ASIC2: variants seen among roughly 807,000 people sequenced by gnomAD.
ASIC2 encodes acid-sensing ion channel 2.
ASIC2 carries 25 observed loss-of-function variants against 57.3 expected under a neutral mutation model. The ratio of observed to expected loss-of-function variants is 0.44; its 90% CI spans 0.32 to 0.61. The LOEUF is 0.61. ASIC2 is among the 20% of genes least tolerant of loss of function. ASIC2 has a pLI of 0.06. For synonymous variants in ASIC2, 319 were observed against 307.5 expected, an observed-to-expected ratio of 1.04 and a Z score of -0.39; for missense variants, 641 against 738.1, an observed-to-expected ratio of 0.87 and a Z score of 1.52.
At chr17:34,027,746 G>T (rs1272525812) in intron 1 of ASIC2, among the ~76,000 whole-genome samples, 2 of 152,164 alleles carry the variant, frequency 1.3e-5, no homozygotes, top group African/African-American at 4.8e-5. Context: ...TGATGTGTCT[G>T]TGTCTTTATC....
chr17:34,007,560 G>T (rs903098665), intron 1 of ASIC2, among the ~76,000 whole-genome samples: 5 of 152,154 alleles, frequency 3.3e-5, no homozygotes, highest in African/African-American at 1.2e-4. Context: ...CTTAACAGAG[G>T]AGGTACCCAA....
chr17:33,535,873 G>A (rs1028095956), intron 1 of ASIC2, among the ~76,000 whole-genome samples: 1 of 152,176 alleles, frequency 6.6e-6, no homozygotes, highest in East Asian at 1.9e-4. Flanking sequence ...CCCACACACT[G>A]CTAATTGCAC....
intron 1 of ASIC2, among the ~76,000 whole-genome samples, chr17:33,834,975 C>A (rs17192775): frequency 6.6e-6 from 1 of 152,162 alleles, no homozygotes; most frequent in African/African-American, 2.4e-5. Context: ...CTGTGTTTGG[C>A]GTGCTCATTC....
At chr17:33,211,430 C>T (rs777186392) in intron 1 of ASIC2, among the ~76,000 whole-genome samples, 5 of 151,606 alleles carry the variant, frequency 3.3e-5, no homozygotes, top group Non-Finnish European at 7.4e-5. Context: ...AACCAGCGCA[C>T]GCTAGGTATT....
intron 1 of ASIC2, among the ~76,000 whole-genome samples, chr17:33,498,256 A>G (rs1221361262): frequency 6.6e-6 from 1 of 152,238 alleles, no homozygotes; most frequent in Non-Finnish European, 1.5e-5. Flanking sequence ...ACTGTTGAGC[A>G]ATAATCCAAA....
intron 1 of ASIC2, among the ~76,000 whole-genome samples, chr17:33,174,618 C>T (rs1169035346): frequency 6.6e-6 from 1 of 152,122 alleles, no homozygotes; most frequent in African/African-American, 2.4e-5. Flanking sequence ...GCTCCTCCTC[C>T]CAGGCATACA....
chr17:33,431,698 A>G (rs1189369735), intron 1 of ASIC2, among the ~76,000 whole-genome samples: 1 of 152,228 alleles, frequency 6.6e-6, no homozygotes, highest in Non-Finnish European at 1.5e-5. Context: ...CTGTGAAGTT[A>G]GAAAAGCTAA....
intron 1 of ASIC2, among the ~76,000 whole-genome samples, chr17:33,746,454 GTGTGTATA>G (rs1347694772): frequency 1.4e-5 from 2 of 145,590 alleles, no homozygotes; most frequent in Admixed American, 6.9e-5. Flanking sequence ...GTGTATATAT[GTGTGTATA>G]TGTGTATATG....
intron 1 of ASIC2, among the ~76,000 whole-genome samples, chr17:33,500,656 G>A (rs77667690): frequency 0.058 from 8,891 of 152,310 alleles, 337 homozygotes; most frequent in Non-Finnish European, 0.083. Context: ...TGTGTATGTT[G>A]AGGATTTCCA....
intron 1 of ASIC2, among the ~76,000 whole-genome samples, chr17:34,015,772 A>G (rs1297511399): frequency 6.6e-6 from 1 of 152,242 alleles, no homozygotes; most frequent in African/African-American, 2.4e-5. Flanking sequence ...GGTCCTTGTG[A>G]AATAGTAAGA....
At chr17:33,855,784 G>A (rs1913911813) in intron 1 of ASIC2, among the ~76,000 whole-genome samples, 1 of 152,136 alleles carries the variant, frequency 6.6e-6, no homozygotes, top group Admixed American at 6.5e-5. Flanking sequence ...AGATTGGGAT[G>A]ATCCCCACAT....
At chr17:33,112,329 A>C (rs1475657779) in intron 1 of ASIC2, among the ~76,000 whole-genome samples, 2 of 151,936 alleles carry the variant, frequency 1.3e-5, no homozygotes, top group Non-Finnish European at 1.5e-5. Context: ...TCTGAGCACT[A>C]CCTCTGGGAG....
chr17:33,579,151 T>C (rs574605160), intron 1 of ASIC2, among the ~76,000 whole-genome samples: 2 of 151,858 alleles, frequency 1.3e-5, no homozygotes, highest in Admixed American at 6.6e-5. Flanking sequence ...CCAGGCATGA[T>C]GGTGGGCGCC....
chr17:33,044,091 A>G (rs1204750666), intron 3 of ASIC2, among the ~76,000 whole-genome samples: 1 of 152,114 alleles, frequency 6.6e-6, no homozygotes, highest in African/African-American at 2.4e-5. Flanking sequence ...CTATAACTTG[A>G]CTCATTCTAA....
intron 1 of ASIC2, among the ~76,000 whole-genome samples, chr17:33,994,645 G>T (rs976827411): frequency 1.3e-5 from 2 of 152,136 alleles, no homozygotes; most frequent in African/African-American, 4.8e-5. Flanking sequence ...AGGCACCGAG[G>T]ACTGAATTTT....
intron 1 of ASIC2, among the ~76,000 whole-genome samples, chr17:33,399,077 G>A (rs11657729): frequency 0.27 from 41,381 of 152,014 alleles, 6,839 homozygotes; most frequent in Non-Finnish European, 0.36. Context: ...TGGAGGGAGA[G>A]AGAAGAATAC....
At chr17:34,107,141 C>T (rs2142106473) in intron 1 of ASIC2, among the ~76,000 whole-genome samples, 1 of 152,218 alleles carries the variant, frequency 6.6e-6, no homozygotes, top group South Asian at 2.1e-4. Context: ...GTGACTTCTC[C>T]TGTCCCATAG....
At chr17:33,510,117 G>C (rs1305395383) in intron 1 of ASIC2, among the ~76,000 whole-genome samples, 1 of 152,174 alleles carries the variant, frequency 6.6e-6, no homozygotes, top group Non-Finnish European at 1.5e-5. Flanking sequence ...CTCACTGTGT[G>C]ACCTGGAGTT....
At chr17:33,069,300 T>C (rs1457120395) in intron 3 of ASIC2, among the ~76,000 whole-genome samples, 1 of 152,172 alleles carries the variant, frequency 6.6e-6, no homozygotes, top group African/African-American at 2.4e-5. Flanking sequence ...GTAAAGAATG[T>C]GTATTTTGCT....
Sources: allele counts gnomAD v4.1 joint callset (sites outside exome capture counted in the v4.1 genomes callset), GRCh38; gene constraint gnomAD v4.1.1; transcripts MANE v1.5; gene names NCBI Gene and HGNC (gene_info 2026-07-23, HGNC 2026-07-21).